CEP290: variants seen among roughly 807,000 people sequenced by gnomAD.
CEP290 encodes centrosomal protein of 290 kDa.
A neutral mutation model predicts 344.9 loss-of-function variants in CEP290; 317 were observed. That is an observed-to-expected ratio of 0.92 (90% confidence interval 0.84 to 1.01). The LOEUF is 1.01. Among genes scored for constraint, CEP290 ranks in the 50% least tolerant of loss-of-function variants. The probability of loss-of-function intolerance (pLI) is 0.00; values close to 1 mark genes in which losing one functional copy is unlikely to be tolerated. For missense variants in CEP290, 2,754 were observed against 2,761.4 expected, an observed-to-expected ratio of 1.00 and a Z score of 0.06; for synonymous variants, 932 against 895.8, an observed-to-expected ratio of 1.04 and a Z score of -0.72.
chr12:88,126,189 C>T, intron 12 of CEP290, 127 bp downstream of exon 12: 1 of 669,396 alleles, frequency 1.5e-6, no homozygotes. Flanking sequence ...TTTCAAAAGA[C>T]ATTATTATAC....
At chr12:88,094,922 G>GA (rs935308835) in intron 27 of CEP290, among the ~76,000 whole-genome samples, 121 of 150,250 alleles carry the variant, frequency 8.1e-4, no homozygotes, top group African/African-American at 2.4e-3. Context: ...TACATTTCCT[G>GA]AAAAAAAAAT....
rs1592784618 is a variant in CEP290, at chr12:88,071,848, T to A, written c.5788A>T (p.Lys1930Ter). Residue 1930 changes from lysine to a stop codon, truncating the protein, a stop_gained, in exon 42 of 54, where the codon AAA becomes TAA. Coordinates refer to ENST00000552810, the MANE Select transcript of CEP290 (RefSeq NM_025114.4). LOFTEE classifies it high-confidence loss of function. ...GTAAAGACTTCCCCCTCTTTCTCTT[T>A]TAACTTGTTTCGAATTCCTTCTATT... Reference protein sequence around the residue: ...AKIEGIRNKLKEKEGEVFTLT... With the variant: ...AKIEGIRNKL 1 of 1,605,854 alleles carries A rather than the reference T, an allele frequency of 6.2e-7. No homozygotes were observed. Among genetic ancestry groups the A allele is most frequent in the East Asian group, 2.3e-5 (1 of 44,364 alleles).
intron 45 of CEP290, 63 bp from the exon 46 acceptor site, chr12:88,062,841 C>T (rs2034583783): frequency 9.8e-7 from 1 of 1,017,506 alleles, no homozygotes; most frequent in Non-Finnish European, 1.5e-6. Flanking sequence ...AAAGAAAAGG[C>T]AAACAATTCA....
chr12:88,091,288 C>T (rs2037020351), intron 29 of CEP290, among the ~76,000 whole-genome samples: 1 of 151,078 alleles, frequency 6.6e-6, no homozygotes, highest in African/African-American at 2.4e-5. Context: ...GTTAAGAACA[C>T]AGAAATGTAA....
At position 88,109,619 on chromosome 12, in the gene CEP290, T is replaced by C. The variant is rs149720572; in HGVS notation, c.2368-438A>G. ...TTGGCAATCATTTTTACCAAGTACA[T>C]ATGCTAGGCTTGTTGTCAGGTGCTT... On this transcript the variant is annotated intron_variant, in intron 22 of 53. Transcript: ENST00000552810. Among the ~76,000 whole-genome samples the C allele has an allele frequency of 3.3e-3, 496 of 152,320 alleles. 5 individuals carry two copies. Among genetic ancestry groups the C allele is most frequent in the African/African-American group, 0.011 (476 of 41,572 alleles).
intron 49 of CEP290, among the ~76,000 whole-genome samples, chr12:88,056,870 T>C (rs550773721): frequency 6.6e-6 from 1 of 152,282 alleles, no homozygotes; most frequent in East Asian, 1.9e-4. Flanking sequence ...CTTTAGTAAC[T>C]TTTTTTCTTT....
intron 40 of CEP290, 145 bp from the exon 41 acceptor site, chr12:88,077,489 G>A (rs2035865702): frequency 3.0e-6 from 2 of 674,070 alleles, no homozygotes; most frequent in Admixed American, 6.8e-5. Context: ...AGATAATCTG[G>A]TAGCTGCTTC....
intron 49 of CEP290, among the ~76,000 whole-genome samples, chr12:88,055,990 T>A (rs892548718): frequency 6.6e-6 from 1 of 152,156 alleles, no homozygotes; most frequent in African/African-American, 2.4e-5. Context: ...AATACCTTTT[T>A]TCAATCACAA....
chr12:88,060,696 T>C lies in CEP290; in HGVS notation c.6522+134A>G, dbSNP rs959127064. 28 of 632,386 alleles carry C rather than the reference T, an allele frequency of 4.4e-5. No homozygotes were observed. In the African/African-American group the frequency reaches 5.1e-4, roughly 12 times the overall value. 39.2% of individuals were successfully genotyped at this position (632,386 alleles called of 1,614,324 possible). ...CCTTAGCCTTGCCTCTCATAAGTTT[T>C]TTTCTATATTTATAAAATATGTATT... On this transcript the variant is annotated intron_variant, in intron 47 of 53. Transcript: ENST00000552810.
chr12:88,123,201 T>C (rs1166039048), intron 13 of CEP290, among the ~76,000 whole-genome samples: 2 of 152,092 alleles, frequency 1.3e-5, no homozygotes, highest in South Asian at 2.1e-4. Context: ...CATTGATTCA[T>C]TAATGTTTCT....
At chr12:88,070,747 G>T (rs1349097973) in intron 43 of CEP290, among the ~76,000 whole-genome samples, 1 of 152,100 alleles carries the variant, frequency 6.6e-6, no homozygotes, top group Non-Finnish European at 1.5e-5. Context: ...GAAATCCCTA[G>T]GGAAACAAAG....
chr12:88,123,535 C>T (rs2039544208), intron 13 of CEP290, among the ~76,000 whole-genome samples: 1 of 152,036 alleles, frequency 6.6e-6, no homozygotes, highest in East Asian at 1.9e-4. Flanking sequence ...GTTTTCAGGG[C>T]TCTCCATACT....
rs139027723 is a variant in CEP290 at position 88,111,688 on chromosome 12, T to C, written c.2217+6A>G. On this transcript the variant is annotated splice_donor_region_variant and intron_variant, in intron 21 of 53. Transcript: ENST00000552810. Reference sequence around the variant, plus strand: ...AGCATTTTCTTTTATTTAATAAAATTCTCACCTTTAAATTAGCTTTTGCCA... The same window carrying C: ...AGCATTTTCTTTTATTTAATAAAATCCTCACCTTTAAATTAGCTTTTGCCA... The C allele has an allele frequency of 2.1e-5, 32 of 1,558,468 alleles. 1 individual carries two copies. In the Admixed American group the frequency reaches 6.7e-4, roughly 33 times the overall value.
chr12:88,053,280 T>C (rs1351567186), intron 52 of CEP290, among the ~76,000 whole-genome samples: 14 of 152,088 alleles, frequency 9.2e-5, no homozygotes, highest in African/African-American at 2.4e-5. Flanking sequence ...GAAAAAAATA[T>C]AGGCAGTATT....
intron 36 of CEP290, 30 bp from the exon 37 acceptor site, chr12:88,083,260 C>A: frequency 7.9e-7 from 1 of 1,258,204 alleles, no homozygotes; most frequent in Non-Finnish European, 1.1e-6. Context: ...TAGCAATAGG[C>A]ATGTATAATT....
At chr12:88,132,841 T>C (rs1410800069) in intron 6 of CEP290, among the ~76,000 whole-genome samples, 3 of 152,182 alleles carry the variant, frequency 2.0e-5, no homozygotes, top group Non-Finnish European at 2.9e-5. Flanking sequence ...ATAACCTAGA[T>C]ATTAAGCCCA....
intron 49 of CEP290, 109 bp downstream of exon 49, chr12:88,058,739 A>T: frequency 1.9e-6 from 2 of 1,048,726 alleles, no homozygotes; most frequent in Non-Finnish European, 2.8e-6. Flanking sequence ...CAACCAAACA[A>T]ACTGTTCATC....
intron 11 of CEP290, among the ~76,000 whole-genome samples, chr12:88,127,230 G>A (rs1345516307): frequency 6.6e-6 from 1 of 152,204 alleles, no homozygotes; most frequent in Non-Finnish European, 1.5e-5. Flanking sequence ...AGTCACACCT[G>A]TAATTCCAGC....
At chr12:88,130,491 T>C (rs2040000408) in intron 8 of CEP290, 54 bp downstream of exon 8, 1 of 1,593,438 alleles carries the variant, frequency 6.3e-7, no homozygotes, top group South Asian at 1.2e-5. Context: ...CTCTAAATAG[T>C]GCTCTCACAA....
Sources: gnomAD v4.1 joint callset for allele counts (sites outside exome capture counted in the v4.1 genomes callset) on GRCh38, gnomAD v4.1.1 for gene constraint, MANE v1.5 for transcripts, NCBI Gene and HGNC (gene_info 2026-07-23, HGNC 2026-07-21) for gene names.